Variants in NCAM1 observed in about 807,000 individuals in gnomAD.
The protein encoded by NCAM1 is antigen recognized by monoclonal antibody 5.1H11.
In NCAM1, 14 loss-of-function variants were observed where a neutral mutation model predicts 109.8. The ratio of observed to expected loss-of-function variants is 0.13; its 90% confidence interval spans 0.08 to 0.20. NCAM1 has a LOEUF of 0.20. Ranked by LOEUF, NCAM1 falls within the 10% of genes least tolerant of loss-of-function variation. NCAM1 has a pLI of 1.00. For missense variants in NCAM1, 774 were observed against 1,109.9 expected, an observed-to-expected ratio of 0.70 and a Z score of 4.30; for synonymous variants, 418 against 442.9, an observed-to-expected ratio of 0.94 and a Z score of 0.70.
intron 1 of NCAM1, among the ~76,000 whole-genome samples, chr11:113,104,047 T>C (rs1263641280): frequency 6.6e-6 from 1 of 151,986 alleles, no homozygotes; most frequent in Non-Finnish European, 1.5e-5. Context: ...CTGCTGTGAG[T>C]GTCCAAGTCC....
rs564119339 is a variant in NCAM1 at position 113,080,456 on chromosome 11, GTTTTTTTTCTTTTT to G, written c.52+118804_52+118817del. ...AAAATTAAATGCTCTGAATAGAGGG[GTTTTTTTTCTTTTT>G]TTTTTTTTCTTAAAGGCCTGCCTGT... On this transcript the variant is annotated intron_variant, in intron 1 of 19. Transcript: ENST00000316851. Among the ~76,000 whole-genome samples the G allele has an allele frequency of 9.7e-3, 1,424 of 147,364 alleles. 24 individuals are homozygous for G. Among genetic ancestry groups the G allele is most frequent in the African/African-American group, 0.033 (1,332 of 40,530 alleles).
intron 1 of NCAM1, among the ~76,000 whole-genome samples, chr11:112,972,647 A>C (rs1370528275): frequency 6.6e-6 from 1 of 152,180 alleles, no homozygotes; most frequent in African/African-American, 2.4e-5. Flanking sequence ...ATTGCTTTGC[A>C]AAACAAATAG....
At chr11:113,106,323 G>C (rs897283380) in intron 1 of NCAM1, among the ~76,000 whole-genome samples, 2 of 152,142 alleles carry the variant, frequency 1.3e-5, no homozygotes, top group Non-Finnish European at 2.9e-5. Flanking sequence ...TTCTGAGTTC[G>C]TGGCATTATG....
At chr11:113,205,291 A>C (rs556561446) in intron 3 of NCAM1, among the ~76,000 whole-genome samples, 8 of 152,302 alleles carry the variant, frequency 5.3e-5, no homozygotes, top group Admixed American at 2.0e-4. Context: ...CCTTTTCTGC[A>C]CAAAATGTGA....
At chr11:113,135,894 T>G (rs895843008) in intron 1 of NCAM1, among the ~76,000 whole-genome samples, 1 of 152,216 alleles carries the variant, frequency 6.6e-6, no homozygotes, top group African/African-American at 2.4e-5. Flanking sequence ...GCCCCAAAAT[T>G]AGTATCATTG....
At chr11:113,071,044 G>C (rs532332949) in intron 1 of NCAM1, among the ~76,000 whole-genome samples, 3 of 152,272 alleles carry the variant, frequency 2.0e-5, no homozygotes, top group African/African-American at 7.2e-5. Flanking sequence ...GTGTGTGGTA[G>C]AGAGATGAGG....
intron 1 of NCAM1, among the ~76,000 whole-genome samples, chr11:113,103,425 G>A (rs1236826694): frequency 6.6e-6 from 1 of 152,198 alleles, no homozygotes; most frequent in African/African-American, 2.4e-5. Context: ...TGTGTTCACT[G>A]ATAAGCTGTG....
intron 15 of NCAM1, among the ~76,000 whole-genome samples, chr11:113,250,268 G>T (rs1369752826): frequency 6.6e-6 from 1 of 152,302 alleles, no homozygotes; most frequent in South Asian, 2.1e-4. Context: ...CAAAAGAGGC[G>T]CCAGGGAGAG....
In NCAM1 at chr11:113,208,016, G is replaced by A. The variant is rs1380110089; in HGVS notation, c.916+14G>A. ...TCAAAGTCTTTGGTAGGGGCAGTGG[G>A]GGCCCAGGTCACTGCTCTGCCACAA... On this transcript the variant is annotated intron_variant, in intron 7 of 19. Coordinates refer to ENST00000316851, the MANE Select transcript of NCAM1 (RefSeq NM_181351.5). The A allele has an allele frequency of 1.2e-5, 19 of 1,598,978 alleles. No individual in the cohort carries two copies. The highest frequency in any genetic ancestry group is 1.6e-5 in the Non-Finnish European group (19 of 1,172,478).
intron 1 of NCAM1, among the ~76,000 whole-genome samples, chr11:112,999,272 A>G (rs1951681772): frequency 6.6e-6 from 1 of 152,190 alleles, no homozygotes; most frequent in South Asian, 2.1e-4. Flanking sequence ...TATTGCTAAA[A>G]ATAAAACTTA....
intron 9 of NCAM1, among the ~76,000 whole-genome samples, chr11:113,229,501 C>A (rs1555116796): frequency 6.6e-6 from 1 of 152,136 alleles, no homozygotes; most frequent in African/African-American, 2.4e-5. Flanking sequence ...TAAACTAGTT[C>A]AACCATTGTG....
At chr11:113,057,837 G>A (rs1953766160) in intron 1 of NCAM1, among the ~76,000 whole-genome samples, 1 of 152,182 alleles carries the variant, frequency 6.6e-6, no homozygotes, top group African/African-American at 2.4e-5. Context: ...GCTCATCCAA[G>A]GTGAAGATTG....
At chr11:113,199,829 T>TGAAAAAAAAAA (rs60389510) in intron 1 of NCAM1, among the ~76,000 whole-genome samples, 7 of 115,776 alleles carry the variant, frequency 6.0e-5, no homozygotes, top group East Asian at 2.6e-4. Context: ...GAAACACCCT[T>TGAAAAAAAAAA]AAAAAAAAAA....
At chr11:113,003,555 G>C (rs900072736) in intron 1 of NCAM1, among the ~76,000 whole-genome samples, 1 of 152,086 alleles carries the variant, frequency 6.6e-6, no homozygotes, top group Non-Finnish European at 1.5e-5. Context: ...TTTTCAGCTT[G>C]TTCAGATTTA....
chr11:113,045,348 ACTT>A (rs59018718), intron 1 of NCAM1, among the ~76,000 whole-genome samples: 41,138 of 151,696 alleles, frequency 0.27, 6,244 homozygotes, highest in East Asian at 0.62. Context: ...GGCGGTGAGA[ACTT>A]CTCAGCGGGT....
chr11:112,984,031 C>A (rs1391102122), intron 1 of NCAM1, among the ~76,000 whole-genome samples: 1 of 151,720 alleles, frequency 6.6e-6, no homozygotes, highest in Non-Finnish European at 1.5e-5. Context: ...AACTTTGTAC[C>A]CTTTGACCTA....
At chr11:113,247,185 G>A (rs184750287) in intron 15 of NCAM1, among the ~76,000 whole-genome samples, 1 of 152,326 alleles carries the variant, frequency 6.6e-6, no homozygotes, top group East Asian at 1.9e-4. Flanking sequence ...ACCAGAAGGA[G>A]AGAAGGAAGC....
At chr11:113,039,105 G>C (rs1952989969) in intron 1 of NCAM1, among the ~76,000 whole-genome samples, 1 of 152,200 alleles carries the variant, frequency 6.6e-6, no homozygotes, top group African/African-American at 2.4e-5. Context: ...CTCTAAATCT[G>C]TTAGCTTTGG....
chr11:113,168,820 T>C (rs1591382723), intron 1 of NCAM1, among the ~76,000 whole-genome samples: 1 of 152,168 alleles, frequency 6.6e-6, no homozygotes, highest in African/African-American at 2.4e-5. Flanking sequence ...GGGAAATGTT[T>C]AGCTTGTGTG....
Sources: gnomAD v4.1 joint callset for allele counts (sites outside exome capture counted in the v4.1 genomes callset) on GRCh38, gnomAD v4.1.1 for gene constraint, MANE v1.5 for transcripts, NCBI Gene and HGNC (gene_info 2026-07-23, HGNC 2026-07-21) for gene names.